The following ADGRB3 variants were observed in gnomAD, a reference collection of about 807,000 sequenced individuals.
ADGRB3 encodes brain-specific angiogenesis inhibitor 3.
In ADGRB3, 37 loss-of-function variants were observed where a neutral mutation model predicts 193.4. That is an observed-to-expected ratio of 0.19 (90% CI 0.15 to 0.25). The LOEUF is 0.25. ADGRB3 is among the 10% of genes least tolerant of loss of function. ADGRB3 has a pLI of 1.00. For synonymous variants in ADGRB3, 690 were observed against 644.2 expected, an observed-to-expected ratio of 1.07 and a Z score of -1.08; for missense variants, 1,637 against 1,852.9, an observed-to-expected ratio of 0.88 and a Z score of 2.14.
chr6:69,277,977 C>G (rs1049162560), intron 20 of ADGRB3, among the ~76,000 whole-genome samples: 1 of 152,216 alleles, frequency 6.6e-6, no homozygotes. Context: ...TTCATTACTG[C>G]ACTCTATACC....
At chr6:69,359,425 G>T (rs1353467951) in intron 28 of ADGRB3, among the ~76,000 whole-genome samples, 1 of 150,354 alleles carries the variant, frequency 6.7e-6, no homozygotes, top group African/African-American at 2.4e-5. Context: ...ACATAAAAAG[G>T]CACAGCAAAA....
intron 3 of ADGRB3, 95 bp downstream of exon 3, chr6:68,639,527 C>A (rs1768033671): frequency 1.5e-6 from 2 of 1,353,732 alleles, no homozygotes; most frequent in African/African-American, 1.5e-5. Context: ...AATTATTTAT[C>A]CTTTATTGTC....
At chr6:69,181,104 C>T (rs886413205) in intron 17 of ADGRB3, among the ~76,000 whole-genome samples, 1 of 152,154 alleles carries the variant, frequency 6.6e-6, no homozygotes, top group African/African-American at 2.4e-5. Flanking sequence ...GGGCTTCACT[C>T]ACTTTTATCA....
intron 29 of ADGRB3, among the ~76,000 whole-genome samples, chr6:69,371,282 G>A (rs1336788169): frequency 6.6e-6 from 1 of 152,034 alleles, no homozygotes; most frequent in Non-Finnish European, 1.5e-5. Flanking sequence ...TTTAACTGTA[G>A]CTGCAGAAAT....
chr6:69,038,065 T>C (rs1207262712), intron 13 of ADGRB3, among the ~76,000 whole-genome samples: 1 of 152,206 alleles, frequency 6.6e-6, no homozygotes, highest in Non-Finnish European at 1.5e-5. Flanking sequence ...CTGTAGGGGC[T>C]CAATAGAGGT....
At chr6:68,764,990 A>G (rs1766482527) in intron 3 of ADGRB3, among the ~76,000 whole-genome samples, 2 of 152,212 alleles carry the variant, frequency 1.3e-5, no homozygotes, top group Admixed American at 1.3e-4. Context: ...AACTGCTGAT[A>G]TAATGTAATG....
At chr6:69,221,073 A>G (rs1345108949) in intron 17 of ADGRB3, among the ~76,000 whole-genome samples, 3 of 152,118 alleles carry the variant, frequency 2.0e-5, no homozygotes, top group Non-Finnish European at 2.9e-5. Flanking sequence ...CCCAGTGTGC[A>G]GTACTGTCCA....
intron 12 of ADGRB3, among the ~76,000 whole-genome samples, chr6:69,015,386 C>T (rs531614302): frequency 4.6e-5 from 7 of 152,018 alleles, no homozygotes; most frequent in African/African-American, 1.7e-4. Context: ...TAGCTATATT[C>T]TTATATTTAA....
intron 3 of ADGRB3, among the ~76,000 whole-genome samples, chr6:68,896,615 T>G (rs1766225473): frequency 6.6e-6 from 1 of 152,144 alleles, no homozygotes; most frequent in African/African-American, 2.4e-5. Flanking sequence ...TTAGTTTCAC[T>G]GATGCAAAGC....
At chr6:68,772,894 A>AAAAAAAATAT (rs1466813173) in intron 3 of ADGRB3, among the ~76,000 whole-genome samples, 2 of 22,880 alleles carry the variant, frequency 8.7e-5, no homozygotes, top group African/African-American at 3.9e-4. Flanking sequence ...AAAAAAAAAA[A>AAAAAAAATAT]ATATATATAT....
intron 20 of ADGRB3, among the ~76,000 whole-genome samples, chr6:69,296,789 A>G (rs1286360748): frequency 6.6e-6 from 1 of 152,158 alleles, no homozygotes; most frequent in East Asian, 1.9e-4. Flanking sequence ...AGCTCTCAGC[A>G]GAAAAGTATA....
intron 20 of ADGRB3, among the ~76,000 whole-genome samples, chr6:69,274,479 C>CCTTCCTTCCTT (rs1582596796): frequency 7.0e-4 from 52 of 73,828 alleles, no homozygotes; most frequent in African/African-American, 1.5e-3. Context: ...CTTCCTTCCT[C>CCTTCCTTCCTT]CCTCCCTCCC....
chr6:68,758,963 A>G (rs1260260532), intron 3 of ADGRB3, among the ~76,000 whole-genome samples: 1 of 152,120 alleles, frequency 6.6e-6, no homozygotes, highest in Non-Finnish European at 1.5e-5. Context: ...ATGCATACAA[A>G]CACACACAAT....
chr6:69,255,209 T>C (rs904704216), intron 20 of ADGRB3, among the ~76,000 whole-genome samples: 15 of 152,308 alleles, frequency 9.8e-5, no homozygotes, highest in Admixed American at 1.3e-4. Flanking sequence ...TTAGAGTCCT[T>C]TGGGTATATA....
At chr6:68,734,892 T>A (rs1366331908) in intron 3 of ADGRB3, among the ~76,000 whole-genome samples, 6 of 152,032 alleles carry the variant, frequency 3.9e-5, no homozygotes, top group Admixed American at 3.9e-4. Flanking sequence ...TGAAAGGACC[T>A]CCTACTGAAA....
At chr6:69,375,635 C>T (rs1314955959) in intron 30 of ADGRB3, among the ~76,000 whole-genome samples, 1 of 152,062 alleles carries the variant, frequency 6.6e-6, no homozygotes, top group Non-Finnish European at 1.5e-5. Context: ...TTGTTCTAAT[C>T]GTCTGTCTTG....
intron 3 of ADGRB3, among the ~76,000 whole-genome samples, chr6:68,890,239 G>T (rs1241585979): frequency 6.6e-6 from 1 of 152,116 alleles, no homozygotes; most frequent in Non-Finnish European, 1.5e-5. Flanking sequence ...TGAAATCTTG[G>T]CAGAGGTTAA....
At chr6:68,941,351 AT>A (rs1262484736) in intron 5 of ADGRB3, among the ~76,000 whole-genome samples, 8 of 152,272 alleles carry the variant, frequency 5.3e-5, no homozygotes, top group African/African-American at 1.9e-4. Flanking sequence ...ATGAAAAAAA[AT>A]CTTTTTTAAA....
At chr6:69,111,644 T>C (rs755743132) in intron 17 of ADGRB3, among the ~76,000 whole-genome samples, 63 of 152,330 alleles carry the variant, frequency 4.1e-4, no homozygotes, top group Non-Finnish European at 7.9e-4. Flanking sequence ...TTTGTCTACT[T>C]TTTTAGTCAG....
Sources: allele counts gnomAD v4.1 joint callset (sites outside exome capture counted in the v4.1 genomes callset), GRCh38; gene constraint gnomAD v4.1.1; transcripts MANE v1.5; gene names NCBI Gene and HGNC (gene_info 2026-07-23, HGNC 2026-07-21).